Variants in PTPRD observed in about 807,000 individuals in gnomAD.
The protein encoded by PTPRD is receptor-type tyrosine-protein phosphatase delta.
PTPRD carries 34 observed loss-of-function variants against 214.5 expected under a neutral mutation model. That is an observed-to-expected ratio of 0.16 (90% CI 0.12 to 0.21). The LOEUF is 0.21. Ranked by LOEUF, PTPRD falls within the 10% of genes least tolerant of loss-of-function variation. The probability of loss-of-function intolerance (pLI) is 1.00; values close to 1 mark genes in which losing one functional copy is unlikely to be tolerated. For missense variants in PTPRD, 2,545 were observed against 2,398.7 expected (o/e 1.06, Z -1.27); for synonymous variants, 1,128 against 845.7 (o/e 1.33, Z -5.79).
At chr9:9,759,429 T>C (rs2098629829) in intron 6 of PTPRD, among the ~76,000 whole-genome samples, 1 of 152,170 alleles carries the variant, frequency 6.6e-6, no homozygotes, top group Non-Finnish European at 1.5e-5. Context: ...CAGTCCCTGC[T>C]CTACTGAGTG....
intron 14 of PTPRD, among the ~76,000 whole-genome samples, chr9:8,600,118 G>C (rs1214607206): frequency 1.3e-5 from 2 of 152,168 alleles, no homozygotes; most frequent in Non-Finnish European, 2.9e-5. Context: ...ACAGTGAATG[G>C]GAGGCTTTCA....
chr9:9,752,463 T>C (rs1180675692), intron 6 of PTPRD, among the ~76,000 whole-genome samples: 3 of 152,062 alleles, frequency 2.0e-5, no homozygotes, highest in African/African-American at 7.2e-5. Flanking sequence ...GTGGAAAAGC[T>C]GACACTGGAA....
intron 8 of PTPRD, among the ~76,000 whole-genome samples, chr9:9,414,302 G>A (rs963977585): frequency 6.6e-6 from 1 of 152,176 alleles, no homozygotes; most frequent in Admixed American, 6.5e-5. Context: ...GTTCAGTCAG[G>A]TTCTTTCTTT....
chr9:9,769,846 G>A (rs1372572484), intron 5 of PTPRD, among the ~76,000 whole-genome samples: 1 of 151,948 alleles, frequency 6.6e-6, no homozygotes, highest in Non-Finnish European at 1.5e-5. Flanking sequence ...ACTTACAAGT[G>A]AGAACATGTG....
chr9:9,829,804 T>C (rs1420280270), intron 5 of PTPRD, among the ~76,000 whole-genome samples: 1 of 151,846 alleles, frequency 6.6e-6, no homozygotes, highest in Non-Finnish European at 1.5e-5. Flanking sequence ...ACATTATCAT[T>C]ATTATTACTT....
intron 4 of PTPRD, among the ~76,000 whole-genome samples, chr9:9,939,969 A>G (rs1380839351): frequency 1.3e-5 from 2 of 152,162 alleles, no homozygotes; most frequent in Non-Finnish European, 2.9e-5. Context: ...GTTCTCACTT[A>G]GATAATAACT....
intron 4 of PTPRD, among the ~76,000 whole-genome samples, chr9:9,954,521 A>G (rs1028032737): frequency 6.6e-6 from 1 of 151,434 alleles, no homozygotes; most frequent in Non-Finnish European, 1.5e-5. Flanking sequence ...TAATCAGACA[A>G]TAAATTTTTC....
chr9:9,668,419 G>A (rs911095796), intron 7 of PTPRD, among the ~76,000 whole-genome samples: 1 of 152,232 alleles, frequency 6.6e-6, no homozygotes, highest in South Asian at 2.1e-4. Context: ...TGGTTACCCT[G>A]AGACATACAA....
intron 8 of PTPRD, among the ~76,000 whole-genome samples, chr9:9,403,079 T>C (rs2071501484): frequency 6.7e-6 from 1 of 149,916 alleles, no homozygotes; most frequent in Admixed American, 6.7e-5. Flanking sequence ...CACTTGAGGT[T>C]AGAAATTCAA....
chr9:9,392,682 G>C (rs946839751), intron 9 of PTPRD, among the ~76,000 whole-genome samples: 1 of 152,012 alleles, frequency 6.6e-6, no homozygotes, highest in Non-Finnish European at 1.5e-5. Flanking sequence ...TTGCTTTTAC[G>C]TAACACTGAA....
intron 2 of PTPRD, among the ~76,000 whole-genome samples, chr9:10,388,719 C>G (rs915164966): frequency 2.0e-5 from 3 of 151,802 alleles, no homozygotes; most frequent in Non-Finnish European, 4.4e-5. Context: ...ATCACTGTGA[C>G]CTTAGTCATG....
chr9:8,961,559 T>C (rs1191410156), intron 11 of PTPRD, among the ~76,000 whole-genome samples: 1 of 152,102 alleles, frequency 6.6e-6, no homozygotes, highest in African/African-American at 2.4e-5. Context: ...GGCACATGTT[T>C]TACATTCATC....
chr9:10,455,458 T>C (rs890183631), intron 2 of PTPRD, among the ~76,000 whole-genome samples: 1 of 151,774 alleles, frequency 6.6e-6, no homozygotes, highest in African/African-American at 2.4e-5. Flanking sequence ...CTTTAAGTCA[T>C]ACTTACATGT....
chr9:9,767,966 G>A (rs1341296808), intron 5 of PTPRD, among the ~76,000 whole-genome samples: 1 of 152,200 alleles, frequency 6.6e-6, no homozygotes, highest in Middle Eastern at 3.4e-3. Flanking sequence ...GTTCTAGAAT[G>A]CTCCGTAAGC....
At position 9,238,551 on chromosome 9, in the gene PTPRD, T is replaced by A. The variant is rs72696862; in HGVS notation, c.-202-55188A>T. On this transcript the variant is annotated intron_variant, in intron 9 of 45. Coordinates refer to ENST00000381196, the MANE Select transcript of PTPRD (RefSeq NM_002839.4). ...TTGGTTAAGTTAGCTAAAGGGATCT[T>A]AGAGTCAAAGTCTTGACTGGAGGAC... Among the ~76,000 whole-genome samples the A allele has an allele frequency of 5.1e-3, 781 of 152,152 alleles. 4 individuals carry two copies. The highest frequency in any genetic ancestry group is 7.3e-3 in the Admixed American group (112 of 15,270).
At chr9:8,731,342 G>A (rs1322084827) in intron 12 of PTPRD, among the ~76,000 whole-genome samples, 2 of 152,140 alleles carry the variant, frequency 1.3e-5, no homozygotes, top group East Asian at 3.8e-4. Context: ...AAATGACTCT[G>A]ACAAGCTACT....
At chr9:8,325,793 C>G (rs1197233686) in intron 44 of PTPRD, among the ~76,000 whole-genome samples, 5 of 117,154 alleles carry the variant, frequency 4.3e-5, no homozygotes, top group African/African-American at 3.0e-4. Context: ...AGAGGTCCTT[C>G]ACATTCCTTG....
intron 12 of PTPRD, among the ~76,000 whole-genome samples, chr9:8,687,874 T>C (rs1270789618): frequency 6.6e-6 from 1 of 152,138 alleles, no homozygotes; most frequent in East Asian, 1.9e-4. Flanking sequence ...TGATTTAAAA[T>C]TGAGAGGCCT....
chr9:9,966,803 C>T (rs1176839807), intron 4 of PTPRD, among the ~76,000 whole-genome samples: 3 of 152,082 alleles, frequency 2.0e-5, no homozygotes, highest in Non-Finnish European at 4.4e-5. Context: ...CTTACAGATG[C>T]TTTAGACAGA....
Sources: gnomAD v4.1 joint callset for allele counts (sites outside exome capture counted in the v4.1 genomes callset) on GRCh38, gnomAD v4.1.1 for gene constraint, MANE v1.5 for transcripts, NCBI Gene and HGNC (gene_info 2026-07-23, HGNC 2026-07-21) for gene names.